DCDC2C: variants seen among roughly 807,000 people sequenced by gnomAD.
DCDC2C encodes doublecortin domain containing 2C.
In DCDC2C, 44 loss-of-function variants were observed where a neutral mutation model predicts 45.0. The ratio of observed to expected loss-of-function variants is 0.98; its 90% CI spans 0.77 to 1.26. DCDC2C has a LOEUF of 1.26. DCDC2C is among the 50% of genes most tolerant of loss of function. The pLI, the probability that DCDC2C is intolerant of heterozygous loss-of-function variation, is 0.00. For synonymous variants in DCDC2C, 187 were observed against 178.8 expected (o/e 1.05, Z -0.37); for missense variants, 447 against 468.9 (o/e 0.95, Z 0.43).
At chr2:3,805,511 G>T (rs1263314355) in intron 10 of DCDC2C, among the ~76,000 whole-genome samples, 1 of 152,202 alleles carries the variant, frequency 6.6e-6, no homozygotes, top group Non-Finnish European at 1.5e-5. Context: ...TATTAGTGCT[G>T]CCTTGCATCA....
intron 8 of DCDC2C, 120 bp downstream of exon 8, chr2:3,769,531 T>C: frequency 1.1e-6 from 1 of 894,228 alleles, no homozygotes; most frequent in South Asian, 1.6e-5. Context: ...GAATGTTCTG[T>C]GTTCCTCCTA....
chr2:3,837,539 C>T (rs895926922), intron 10 of DCDC2C, among the ~76,000 whole-genome samples: 2 of 151,964 alleles, frequency 1.3e-5, no homozygotes, highest in Non-Finnish European at 2.9e-5. Context: ...GGGTGGGGGG[C>T]CCATGGTGAA....
intron 8 of DCDC2C, among the ~76,000 whole-genome samples, chr2:3,776,075 C>T (rs1339162179): frequency 6.6e-6 from 1 of 152,212 alleles, no homozygotes; most frequent in Non-Finnish European, 1.5e-5. Flanking sequence ...GGTCCGTCCT[C>T]TCCTACCCAT....
At chr2:3,730,305 C>T (rs1302014744) in intron 3 of DCDC2C, among the ~76,000 whole-genome samples, 6 of 151,970 alleles carry the variant, frequency 3.9e-5, no homozygotes, top group African/African-American at 9.7e-5. Flanking sequence ...ATAAAGAAAC[C>T]GAGTCCCTTA....
intron 8 of DCDC2C, among the ~76,000 whole-genome samples, chr2:3,774,226 T>C (rs1387958687): frequency 6.6e-6 from 1 of 152,246 alleles, no homozygotes; most frequent in Non-Finnish European, 1.5e-5. Flanking sequence ...ACTGAGATCC[T>C]TGGGGTGTTG....
At chr2:3,723,480 A>G (rs1001884407) in intron 2 of DCDC2C, among the ~76,000 whole-genome samples, 3 of 152,212 alleles carry the variant, frequency 2.0e-5, no homozygotes, top group Non-Finnish European at 4.4e-5. Flanking sequence ...CAGGAACTGC[A>G]AGAATGCAAG....
intron 4 of DCDC2C, among the ~76,000 whole-genome samples, chr2:3,750,749 G>C (rs1332264053): frequency 6.6e-6 from 1 of 152,022 alleles, no homozygotes; most frequent in African/African-American, 2.4e-5. Flanking sequence ...TTTTACCTGT[G>C]GCTTGTCCTC....
At chr2:3,770,814 G>A (rs571210257) in intron 8 of DCDC2C, among the ~76,000 whole-genome samples, 2 of 152,260 alleles carry the variant, frequency 1.3e-5, no homozygotes, top group Admixed American at 6.5e-5. Flanking sequence ...TTTGGTTGCC[G>A]GTGATTCTGA....
chr2:3,791,705 G>A (rs1670815461), intron 10 of DCDC2C, among the ~76,000 whole-genome samples: 1 of 152,188 alleles, frequency 6.6e-6, no homozygotes, highest in Admixed American at 6.5e-5. Flanking sequence ...CACCTCTCCA[G>A]CACTGTGTTG....
intron 3 of DCDC2C, among the ~76,000 whole-genome samples, chr2:3,736,768 C>T (rs984984160): frequency 1.3e-5 from 2 of 152,248 alleles, no homozygotes; most frequent in East Asian, 1.9e-4. Context: ...CAGTTCTCAA[C>T]GAGAAAGTTT....
At position 3,796,275 on chromosome 2, in the gene DCDC2C, C is replaced by T. The variant is rs1371951589; in HGVS notation, c.1065+11175C>T. On this transcript the variant is annotated intron_variant, in intron 10 of 10. Coordinates refer to ENST00000399143, the MANE Select transcript of DCDC2C (RefSeq NM_001287444.2). The stretch of plus-strand genomic sequence containing the variant: ...AGCTTAAGGAGATTTTGGGCTGAGA[C>T]AATGGGGTTTTCTAGATATACAATC... Among the ~76,000 whole-genome samples, 43 of 105,112 alleles carry T rather than the reference C, an allele frequency of 4.1e-4. 6 individuals carry two copies. Among genetic ancestry groups the T allele is most frequent in the Non-Finnish European group, 7.3e-4 (39 of 53,518 alleles). 69.0% of individuals were successfully genotyped at this position (105,112 alleles called of 152,430 possible). A position where few individuals can be genotyped will look rare whatever the true frequency, so the allele number is the denominator to read the frequency against.
At chr2:3,838,673 C>T (rs1672140369) in intron 10 of DCDC2C, among the ~76,000 whole-genome samples, 1 of 152,132 alleles carries the variant, frequency 6.6e-6, no homozygotes, top group Non-Finnish European at 1.5e-5. Context: ...CGGCCCCTAC[C>T]CACTTCCGTG....
intron 2 of DCDC2C, among the ~76,000 whole-genome samples, chr2:3,711,504 G>A (rs1179572403): frequency 6.6e-6 from 1 of 152,138 alleles, no homozygotes; most frequent in Non-Finnish European, 1.5e-5. Flanking sequence ...GGACATGGAT[G>A]GAGTTGGAAG....
intron 8 of DCDC2C, among the ~76,000 whole-genome samples, chr2:3,777,948 AT>A (rs1463230763): frequency 6.6e-6 from 1 of 152,232 alleles, no homozygotes; most frequent in Non-Finnish European, 1.5e-5. Context: ...AGGAAGGTGC[AT>A]GAAGAGCCAG....
intron 10 of DCDC2C, among the ~76,000 whole-genome samples, chr2:3,795,853 T>G (rs1426793968): frequency 6.6e-5 from 9 of 136,522 alleles, no homozygotes; most frequent in Non-Finnish European, 1.4e-4. Context: ...CGATGCGGGC[T>G]CTTTTTTGGT....
Position 3,734,122 on chromosome 2 carries a change from G to A in DCDC2C, c.416+7043G>A, listed in dbSNP as rs1021236114. Among the ~76,000 whole-genome samples the A allele has an allele frequency of 1.3e-5, 2 of 152,202 alleles. No homozygotes were observed. Among genetic ancestry groups the A allele is most frequent in the South Asian group, 2.1e-4 (1 of 4,830 alleles). On this transcript the variant is annotated intron_variant, in intron 3 of 10. Transcript: ENST00000399143. This position sits in a 1 kb window ranked among gnomAD's most constrained non-coding sequence, Gnocchi z 4.2. ...CTGCTGTCGTAAATCCCCCATTTCCGTGGCACACCAACATCACGTACTGCC... is the reference window on the plus strand; with the variant it reads ...CTGCTGTCGTAAATCCCCCATTTCCATGGCACACCAACATCACGTACTGCC...
intron 10 of DCDC2C, among the ~76,000 whole-genome samples, chr2:3,802,792 G>A (rs1671145625): frequency 6.6e-6 from 1 of 152,094 alleles, no homozygotes; most frequent in East Asian, 1.9e-4. Context: ...TTTCCTAAAT[G>A]ACCCATCTCC....
At chr2:3,719,634 G>A (rs779172730) in intron 2 of DCDC2C, among the ~76,000 whole-genome samples, 26 of 152,158 alleles carry the variant, frequency 1.7e-4, no homozygotes, top group Non-Finnish European at 2.5e-4. Context: ...GGGTTCGACG[G>A]GGCTTTGCCT....
chr2:3,715,248 A>G (rs1668318648), intron 2 of DCDC2C, among the ~76,000 whole-genome samples: 1 of 152,178 alleles, frequency 6.6e-6, no homozygotes, highest in African/African-American at 2.4e-5. Flanking sequence ...TGTATAACAT[A>G]TGTTTTTAAA....
Sources: allele counts gnomAD v4.1 joint callset (sites outside exome capture counted in the v4.1 genomes callset), GRCh38; gene constraint gnomAD v4.1.1; non-coding constraint Gnocchi (gnomAD v3.1); transcripts MANE v1.5; gene names NCBI Gene and HGNC (gene_info 2026-07-23, HGNC 2026-07-21).